PBX3: variants seen among roughly 807,000 people sequenced by gnomAD.
PBX3 encodes PBX homeobox 3.
In PBX3, 14 loss-of-function variants were observed where a neutral mutation model predicts 48.5. The ratio of observed to expected loss-of-function variants is 0.29; its 90% CI spans 0.19 to 0.45. The LOEUF is 0.45. Among genes scored for constraint, PBX3 ranks in the 20% least tolerant of loss-of-function variants. The probability of loss-of-function intolerance (pLI) is 1.00; values close to 1 mark genes in which losing one functional copy is unlikely to be tolerated. For synonymous variants in PBX3, 210 were observed against 200.3 expected (o/e 1.05, Z -0.41); for missense variants, 386 against 546.7 (o/e 0.71, Z 2.93).
chr9:125,789,644 T>A (rs1837546406), intron 2 of PBX3, among the ~76,000 whole-genome samples: 1 of 152,088 alleles, frequency 6.6e-6, no homozygotes, highest in Non-Finnish European at 1.5e-5. Flanking sequence ...TTCTGTTTGG[T>A]AGGGTGAAGT....
At chr9:125,809,191 G>A (rs931449609) in intron 2 of PBX3, among the ~76,000 whole-genome samples, 3 of 152,230 alleles carry the variant, frequency 2.0e-5, no homozygotes, top group Non-Finnish European at 2.9e-5. Context: ...GGGAATGTGG[G>A]TGTTGGGCAA....
intron 1 of PBX3, 27 bp downstream of exon 1, chr9:125,747,680 T>G: frequency 6.5e-7 from 1 of 1,536,148 alleles, no homozygotes; most frequent in Non-Finnish European, 8.8e-7. Flanking sequence ...TAAGCATCTT[T>G]TGTGTGTGTG....
chr9:125,856,028 A>T (rs1335149183), intron 2 of PBX3, among the ~76,000 whole-genome samples: 1 of 152,094 alleles, frequency 6.6e-6, no homozygotes, highest in Non-Finnish European at 1.5e-5. Context: ...TGGACATATA[A>T]TATAAATAGG....
chr9:125,823,335 A>G (rs1030036182), intron 2 of PBX3, among the ~76,000 whole-genome samples: 1 of 151,748 alleles, frequency 6.6e-6, no homozygotes, highest in Non-Finnish European at 1.5e-5. Context: ...TTTAACTTTT[A>G]TTTACCTGTA....
chr9:125,937,657 T>C lies in PBX3; in HGVS notation c.843+2050T>C, dbSNP rs1040185635. 2.0e-5 allele frequency among the ~76,000 whole-genome samples: 3 copies of C among 152,350 alleles called. No individual in the cohort carries two copies. The East Asian group carries it at 5.8e-4, about 29-fold the overall frequency. ...TCTGTTCTAGGCCTGACAGGTCAAC[T>C]GCTTTTGCTTTTTCTTTTTTAAAGA... On this transcript the variant is annotated intron_variant, in intron 5 of 8. Coordinates refer to ENST00000373489, the MANE Select transcript of PBX3 (RefSeq NM_006195.6).
chr9:125,831,453 C>T (rs1373142044), intron 2 of PBX3, among the ~76,000 whole-genome samples: 4 of 149,908 alleles, frequency 2.7e-5, no homozygotes, highest in Admixed American at 6.6e-5. Context: ...GATGGAGTCT[C>T]GCTCTGTTGC....
chr9:125,868,561 G>T (rs1012400524), intron 2 of PBX3, among the ~76,000 whole-genome samples: 1 of 152,192 alleles, frequency 6.6e-6, no homozygotes, highest in African/African-American at 2.4e-5. Context: ...TTCCAGGGGC[G>T]TGGAGTAGGG....
chr9:125,941,848 T>TA (rs1167341436), intron 5 of PBX3, among the ~76,000 whole-genome samples: 2 of 152,232 alleles, frequency 1.3e-5, no homozygotes, highest in African/African-American at 4.8e-5. Flanking sequence ...TACTAAGCTG[T>TA]AAAAAACTTC....
At chr9:125,838,200 G>A (rs1378482335) in intron 2 of PBX3, among the ~76,000 whole-genome samples, 1 of 152,142 alleles carries the variant, frequency 6.6e-6, no homozygotes, top group Non-Finnish European at 1.5e-5. Context: ...GCAGGTGTGC[G>A]CCACAATGCC....
chr9:125,825,856 T>C (rs1838793272), intron 2 of PBX3, among the ~76,000 whole-genome samples: 1 of 152,238 alleles, frequency 6.6e-6, no homozygotes, highest in Admixed American at 6.5e-5. Context: ...AGAGGATCAA[T>C]TCATGATTGT....
chr9:125,828,759 T>G (rs1283940901), intron 2 of PBX3, among the ~76,000 whole-genome samples: 2 of 152,242 alleles, frequency 1.3e-5, no homozygotes, highest in East Asian at 3.8e-4. Flanking sequence ...TTATTCAATT[T>G]GTTAGAAAAT....
chr9:125,960,799 C>T lies in PBX3; in HGVS notation c.959C>T (p.Ala320Val). Residue 320 changes from alanine (A) to valine (V), a missense_variant, in exon 6 of 9, where the codon GCA (alanine) becomes GTA (valine). Around this residue, in one of 4 missense-constraint regions of PBX3, gnomAD observed 127 missense variants for 143.3 expected, o/e 0.89. Coordinates refer to ENST00000373489, the MANE Select transcript of PBX3 (RefSeq NM_006195.6). ...GCCGTGACAGCTGCACACGCAGTAGCAGCAGCTGTGCAGAACAACCAGACC... is the reference window on the plus strand; with the variant it reads ...GCCGTGACAGCTGCACACGCAGTAGTAGCAGCTGTGCAGAACAACCAGACC... ...KTAVTAAHAV[A>V]AAVQNNQTNS... The T allele has an allele frequency of 6.2e-7, 1 of 1,614,202 alleles. No individual in the cohort carries two copies. Among genetic ancestry groups the T allele is most frequent in the African/African-American group, 1.3e-5 (1 of 75,068 alleles).
In PBX3 at chr9:125,962,092, T is replaced by G; in HGVS notation, c.1010-10T>G. ...TCTGTTATTCAGCTACTTAACTCTT[T>G]CCTTTCCAGGTTCTTCTGGTTCTTT... On this transcript the variant is annotated splice_polypyrimidine_tract_variant and intron_variant, in intron 6 of 8. Coordinates refer to ENST00000373489, the MANE Select transcript of PBX3 (RefSeq NM_006195.6). 6.9e-7 allele frequency: 1 copy of G among 1,445,340 alleles called. No homozygotes were observed. The highest frequency in any genetic ancestry group is 9.7e-7 in the Non-Finnish European group (1 of 1,026,578). The allele number at this position is 1,445,340 out of a possible 1,614,324, so 89.5% of individuals were successfully genotyped here. A position where few individuals can be genotyped will look rare whatever the true frequency, so the allele number is the denominator to read the frequency against.
chr9:125,908,920 T>C (rs1357250084), intron 2 of PBX3, among the ~76,000 whole-genome samples: 2 of 152,118 alleles, frequency 1.3e-5, no homozygotes, highest in Admixed American at 6.6e-5. Flanking sequence ...AGGTAACCCT[T>C]TGTGCTAATA....
intron 3 of PBX3, 138 bp from the exon 4 acceptor site, chr9:125,929,517 G>C: frequency 1.8e-6 from 1 of 563,780 alleles, no homozygotes; most frequent in Middle Eastern, 4.7e-4. Flanking sequence ...CATTTTACAA[G>C]TGTCTTAGTT....
At chr9:125,960,064 CT>C (rs575665208) in intron 5 of PBX3, among the ~76,000 whole-genome samples, 9 of 152,072 alleles carry the variant, frequency 5.9e-5, no homozygotes, top group Non-Finnish European at 8.8e-5. Flanking sequence ...ATTAGAGTTG[CT>C]CCTCTGTGTT....
At chr9:125,950,483 T>C (rs537032415) in intron 5 of PBX3, among the ~76,000 whole-genome samples, 54 of 27,972 alleles carry the variant, frequency 1.9e-3, no homozygotes, top group African/African-American at 2.8e-3. Context: ...TTGCAACTTC[T>C]TTTTTTTTTT....
chr9:125,888,322 A>G (rs544380981), intron 2 of PBX3, among the ~76,000 whole-genome samples: 2 of 152,228 alleles, frequency 1.3e-5, no homozygotes, highest in South Asian at 4.2e-4. Context: ...TTGTACCTAT[A>G]TTTAATTAAG....
At chr9:125,882,430 A>C (rs1840403779) in intron 2 of PBX3, among the ~76,000 whole-genome samples, 1 of 152,214 alleles carries the variant, frequency 6.6e-6, no homozygotes, top group African/African-American at 2.4e-5. Flanking sequence ...AAATATATAA[A>C]AGCTGAGCTG....
Sources: allele counts gnomAD v4.1 joint callset (sites outside exome capture counted in the v4.1 genomes callset), GRCh38; gene constraint gnomAD v4.1.1; regional missense constraint gnomAD v4.1.1; transcripts MANE v1.5; gene names NCBI Gene and HGNC (gene_info 2026-07-23, HGNC 2026-07-21).